WWTR1: variants seen among roughly 807,000 people sequenced by gnomAD.
WWTR1 encodes WW domain-containing transcription regulator protein 1.
WWTR1 carries 13 observed loss-of-function variants against 40.1 expected under a neutral mutation model. The observed-to-expected ratio is 0.32, with a 90% CI of 0.21 to 0.52. WWTR1 has a LOEUF of 0.52. Ranked by LOEUF, WWTR1 falls within the 20% of genes least tolerant of loss-of-function variation. The pLI, the probability that WWTR1 is intolerant of heterozygous loss-of-function variation, is 0.97. For synonymous variants in WWTR1, 230 were observed against 210.1 expected (o/e 1.09, Z -0.82); for missense variants, 436 against 523.1 (o/e 0.83, Z 1.63).
chr3:149,576,131 G>A (rs993623963), intron 2 of WWTR1: 5 of 456,462 alleles, frequency 1.1e-5, no homozygotes, highest in Non-Finnish European at 2.2e-5. Context: ...CAAATTCCTG[G>A]CTCTGCAGAC....
chr3:149,605,541 A>T (rs1739446414), intron 2 of WWTR1, among the ~76,000 whole-genome samples: 1 of 152,172 alleles, frequency 6.6e-6, no homozygotes, highest in Non-Finnish European at 1.5e-5. Flanking sequence ...CAAGTTCGAG[A>T]GTGAGATAAT....
At chr3:149,524,580 G>A (rs1735204683) in intron 6 of WWTR1, among the ~76,000 whole-genome samples, 1 of 152,130 alleles carries the variant, frequency 6.6e-6, no homozygotes, top group African/African-American at 2.4e-5. Flanking sequence ...ATAAACTGAA[G>A]AACAGTAAAA....
At chr3:149,654,738 T>C (rs1483780192) in intron 2 of WWTR1, among the ~76,000 whole-genome samples, 2 of 152,252 alleles carry the variant, frequency 1.3e-5, no homozygotes, top group African/African-American at 2.4e-5. Context: ...TAGGCAAGCC[T>C]AGCTCCTATT....
intron 2 of WWTR1, among the ~76,000 whole-genome samples, chr3:149,587,342 C>T (rs762837752): frequency 8.6e-5 from 13 of 151,868 alleles, no homozygotes; most frequent in Non-Finnish European, 1.8e-4. Context: ...GACCTGGTGA[C>T]ACCAAGTTTT....
At chr3:149,533,755 CA>C (rs1044650576) in intron 4 of WWTR1, among the ~76,000 whole-genome samples, 18 of 151,210 alleles carry the variant, frequency 1.2e-4, no homozygotes, top group African/African-American at 4.4e-4. Context: ...ACAGTTTGTT[CA>C]CCTGAAAAAA....
chr3:149,683,500 C>T lies in WWTR1; in HGVS notation c.-107-13609G>A, dbSNP rs535788872. On this transcript the variant is annotated intron_variant, in intron 1 of 7. Transcript: ENST00000465804. Reference sequence around the variant, plus strand: ...CTTGAGGTCAGGAATTCTATACCAGCCTGGCCAACATGGTGAAACCCCGTC... The same window carrying T: ...CTTGAGGTCAGGAATTCTATACCAGTCTGGCCAACATGGTGAAACCCCGTC... 2.0e-5 allele frequency among the ~76,000 whole-genome samples: 3 copies of T among 152,194 alleles called. No homozygotes were observed. In the South Asian group the frequency reaches 6.2e-4, roughly 32 times the overall value.
At chr3:149,541,021 ATGCT>A (rs1403430085) in intron 4 of WWTR1, 2 of 456,388 alleles carry the variant, frequency 4.4e-6, no homozygotes, top group Non-Finnish European at 8.8e-6. Flanking sequence ...TTACCCTAAC[ATGCT>A]CGGTCCTTTC....
intron 3 of WWTR1, among the ~76,000 whole-genome samples, chr3:149,556,509 G>A (rs1279318684): frequency 6.6e-6 from 1 of 152,180 alleles, no homozygotes; most frequent in Non-Finnish European, 1.5e-5. Context: ...AACCCGGAAG[G>A]TGGAGGTTGC....
At chr3:149,721,342 T>G (rs1027999251) in intron 4 of WWTR1, among the ~76,000 whole-genome samples, 15 of 152,252 alleles carry the variant, frequency 9.9e-5, no homozygotes, top group African/African-American at 3.6e-4. Flanking sequence ...ATGCTTTTTC[T>G]GCACCACTTG....
intron 2 of WWTR1, among the ~76,000 whole-genome samples, chr3:149,586,328 T>G (rs891177719): frequency 5.3e-5 from 8 of 152,130 alleles, no homozygotes; most frequent in African/African-American, 1.9e-4. Flanking sequence ...CCCTCAGTGA[T>G]AGTAATCCTT....
At chr3:149,680,654 A>T (rs1714429974) in intron 1 of WWTR1, among the ~76,000 whole-genome samples, 1 of 149,862 alleles carries the variant, frequency 6.7e-6, no homozygotes. Flanking sequence ...GGCAACATAG[A>T]GAGACACCAT....
chr3:149,674,624 C>T (rs528177047), intron 1 of WWTR1, among the ~76,000 whole-genome samples: 17 of 152,144 alleles, frequency 1.1e-4, no homozygotes, highest in African/African-American at 4.1e-4. Flanking sequence ...TAAGGCTAGC[C>T]TTCAGAGAGA....
chr3:149,695,893 A>T (rs561749101), intron 1 of WWTR1, among the ~76,000 whole-genome samples: 1 of 150,806 alleles, frequency 6.6e-6, no homozygotes, highest in African/African-American at 2.4e-5. Flanking sequence ...CGGGTGGATC[A>T]TGAGGTCAGG....
rs6440632 is a variant in WWTR1, at chr3:149,676,999, G to A, written c.-107-7108C>T. On this transcript the variant is annotated intron_variant, in intron 1 of 7. Coordinates refer to the WWTR1 transcript ENST00000465804. ...TGGGGCGATCTTGGCTCACTGCAAC[G>A]TCTGCCTCCCAGGTTCAAGCAATTC... Among the ~76,000 whole-genome samples the A allele has an allele frequency of 3.3e-5, 5 of 150,584 alleles. No individual in the cohort carries two copies. In the East Asian group the frequency reaches 5.9e-4, roughly 18 times the overall value.
In WWTR1 at chr3:149,565,560, G is replaced by C. The variant is rs542535445; in HGVS notation, c.568+7304C>G. ...AAAAGGAACTCAATCCGTTGATTTG[G>C]TAATTTTTTTCAGTCTCATTTCACA... On this transcript the variant is annotated intron_variant, in intron 3 of 6. Transcript: ENST00000360632. Among the ~76,000 whole-genome samples, 5 of 152,120 alleles carry C rather than the reference G, an allele frequency of 3.3e-5. No individual in the cohort carries two copies. In the South Asian group the frequency reaches 1.0e-3, roughly 32 times the overall value.
At chr3:149,525,963 C>A (rs751891815) in intron 6 of WWTR1, 50 bp downstream of exon 6, 1 of 1,052,558 alleles carries the variant, frequency 9.5e-7, no homozygotes, top group Admixed American at 2.6e-5. Flanking sequence ...CCGAAGAGAT[C>A]ATTTAAAAAA....
chr3:149,628,332 G>A (rs924016726), intron 2 of WWTR1, among the ~76,000 whole-genome samples: 1 of 152,222 alleles, frequency 6.6e-6, no homozygotes, highest in Non-Finnish European at 1.5e-5. Context: ...TCACGCCACT[G>A]CACTCCAGCC....
At chr3:149,637,392 AT>A (rs577752185) in intron 2 of WWTR1, among the ~76,000 whole-genome samples, 28 of 148,622 alleles carry the variant, frequency 1.9e-4, no homozygotes, top group African/African-American at 5.7e-4. Context: ...TGCCCAGCTA[AT>A]TTTTTTTTTG....
chr3:149,613,618 T>C (rs1739835830), intron 2 of WWTR1, among the ~76,000 whole-genome samples: 1 of 152,146 alleles, frequency 6.6e-6, no homozygotes, highest in Non-Finnish European at 1.5e-5. Context: ...CAATCTTGGC[T>C]CACTGCAGCC....
Sources: gnomAD v4.1 joint callset for allele counts (sites outside exome capture counted in the v4.1 genomes callset) on GRCh38, gnomAD v4.1.1 for gene constraint, MANE v1.5 for transcripts, NCBI Gene and HGNC (gene_info 2026-07-23, HGNC 2026-07-21) for gene names.